Variants in SLC67A1 observed in about 807,000 individuals in gnomAD.
SLC67A1 encodes solute carrier family 67 member A1.
the SLC67A1 span, chr11:2,899,804 G>C: frequency 2.3e-6 from 3 of 1,300,800 alleles, no homozygotes; most frequent in Non-Finnish European, 3.1e-6. Context: ...GAGGAAGACA[G>C]TGGTAAGTTT....
the SLC67A1 span, among the ~76,000 whole-genome samples, chr11:2,912,322 C>G: frequency 1.5e-3 from 232 of 152,364 alleles, no homozygotes; most frequent in Non-Finnish European, 2.8e-3. Flanking sequence ...GCCAGCCAGG[C>G]TCCAAAGCCT....
At chr11:2,910,284 G>A in the SLC67A1 span, among the ~76,000 whole-genome samples, 1 of 152,164 alleles carries the variant, frequency 6.6e-6, no homozygotes, top group Non-Finnish European at 1.5e-5. Flanking sequence ...CAGGACTCTG[G>A]TTCTAGAATA....
At chr11:2,913,740 CCCA>C in the SLC67A1 span, among the ~76,000 whole-genome samples, 75 of 152,324 alleles carry the variant, frequency 4.9e-4, no homozygotes, top group African/African-American at 1.8e-3. Context: ...TAGCCTCAGC[CCCA>C]CCTGTGGGTT....
At chr11:2,909,726 C>G in the SLC67A1 span, 1 of 1,481,706 alleles carries the variant, frequency 6.7e-7, no homozygotes, top group Non-Finnish European at 8.9e-7. Context: ...TGGTGGGGGC[C>G]GGGGCGGAGT....
chr11:2,901,668 T>C, the SLC67A1 span, among the ~76,000 whole-genome samples: 1 of 152,136 alleles, frequency 6.6e-6, no homozygotes, highest in Non-Finnish European at 1.5e-5. Flanking sequence ...TGGTGGCCCC[T>C]GCAAGGGTGG....
the SLC67A1 span, chr11:2,903,002 C>A: frequency 3.4e-6 from 1 of 296,750 alleles, no homozygotes; most frequent in Non-Finnish European, 6.1e-6. Context: ...ATGGCACATT[C>A]CTGTGTCAGG....
the SLC67A1 span, chr11:2,915,389 G>A: frequency 2.4e-3 from 709 of 297,110 alleles, 5 homozygotes; most frequent in African/African-American, 0.015. Context: ...CTTGTTTTTG[G>A]GTGCAAGGGC....
the SLC67A1 span, chr11:2,909,362 G>A: frequency 2.2e-6 from 3 of 1,373,688 alleles, no homozygotes; most frequent in East Asian, 2.9e-5. Flanking sequence ...GCCAGGTAGG[G>A]CCGGGGGGAC....
chr11:2,903,286 C>G, the SLC67A1 span: 1 of 1,584,448 alleles, frequency 6.3e-7, no homozygotes, highest in African/African-American at 1.3e-5. Flanking sequence ...ACTTTTGCCC[C>G]CTGCTCCGCC....
the SLC67A1 span, among the ~76,000 whole-genome samples, chr11:2,923,971 G>A: frequency 6.6e-6 from 1 of 152,196 alleles, no homozygotes; most frequent in South Asian, 2.1e-4. The surrounding 1 kb of genome is among the most constrained non-coding windows in gnomAD (Gnocchi z 6.5). Context: ...CCTCATCACA[G>A]CTGACCAGCC....
chr11:2,914,222 C>A, the SLC67A1 span, among the ~76,000 whole-genome samples: 1 of 152,200 alleles, frequency 6.6e-6, no homozygotes, highest in Admixed American at 6.5e-5. Flanking sequence ...TAACCTGTCC[C>A]CACCTTCCTG....
the SLC67A1 span, among the ~76,000 whole-genome samples, chr11:2,924,203 C>T: frequency 2.0e-5 from 3 of 152,332 alleles, no homozygotes; most frequent in African/African-American, 4.8e-5. This position sits in a 1 kb window ranked among gnomAD's most constrained non-coding sequence, Gnocchi z 8.6. Flanking sequence ...CGTGGAGATG[C>T]GGTGTCAGGG....
the SLC67A1 span, among the ~76,000 whole-genome samples, chr11:2,905,193 G>A: frequency 6.6e-5 from 10 of 152,190 alleles, no homozygotes; most frequent in African/African-American, 2.2e-4. Flanking sequence ...GCATGGAGAC[G>A]GTCATGGGCT....
At chr11:2,909,916 G>A in the SLC67A1 span, 1 of 529,002 alleles carries the variant, frequency 1.9e-6, no homozygotes, top group Non-Finnish European at 3.2e-6. Context: ...GCCAGGTGAT[G>A]TCCCAGTGCT....
At chr11:2,921,999 A>G in the SLC67A1 span, 4 of 861,368 alleles carry the variant, frequency 4.6e-6, no homozygotes, top group African/African-American at 6.6e-5. Flanking sequence ...CCTGGCCACC[A>G]CAGGCCAGTC....
the SLC67A1 span, chr11:2,909,459 C>A: frequency 7.0e-7 from 1 of 1,437,878 alleles, no homozygotes. Context: ...GGGGTCTGGC[C>A]CTAAGGGCTG....
the SLC67A1 span, chr11:2,899,718 C>A: frequency 2.1e-6 from 3 of 1,454,070 alleles, no homozygotes; most frequent in South Asian, 1.4e-5. Context: ...TGAGCCTGTT[C>A]ATGACAAAAA....
chr11:2,916,581 C>T, the SLC67A1 span: 2 of 1,521,024 alleles, frequency 1.3e-6, no homozygotes, highest in Non-Finnish European at 1.8e-6. Context: ...CGCCTGGGCC[C>T]TGGGACCCGC....
chr11:2,909,548 CGCCGCTCAGCTCCCCCGCCCCGTCCCCA>C, the SLC67A1 span: 1 of 1,514,564 alleles, frequency 6.6e-7, no homozygotes, highest in Non-Finnish European at 8.8e-7. Flanking sequence ...GAGGGGCTTT[CGCCGCTCAGCTCCCCCGCCCCGTCCCCA>C]GCCGCCCAGA....
Sources: allele counts gnomAD v4.1 joint callset (sites outside exome capture counted in the v4.1 genomes callset), GRCh38; gene constraint gnomAD v4.1.1; non-coding constraint Gnocchi (gnomAD v3.1); transcripts MANE v1.5; gene names NCBI Gene and HGNC (gene_info 2026-07-23, HGNC 2026-07-21).